Variants in UNC80 observed in about 807,000 individuals in gnomAD.
UNC80 encodes protein unc-80 homolog.
UNC80 carries 164 observed loss-of-function variants against 384.6 expected under a neutral mutation model. That is an observed-to-expected ratio of 0.43 (90% CI 0.38 to 0.49). The LOEUF is 0.49. Ranked by LOEUF, UNC80 falls within the 20% of genes least tolerant of loss-of-function variation. The pLI is 0.00. For synonymous variants in UNC80, 1,486 were observed against 1,527.8 expected (o/e 0.97, Z 0.64); for missense variants, 3,330 against 4,143.0 (o/e 0.80, Z 5.39).
chr2:209,781,046 A>G (rs913149728), intron 4 of UNC80, among the ~76,000 whole-genome samples: 7 of 152,130 alleles, frequency 4.6e-5, no homozygotes, highest in African/African-American at 1.7e-4. Flanking sequence ...TTTTCCCCTC[A>G]GGTTCCCACT....
At position 209,959,472 on chromosome 2, in the gene UNC80, C is replaced by T. The variant is rs1259075417; in HGVS notation, c.7587-17C>T. 1.2e-5 allele frequency: 19 copies of T among 1,550,044 alleles called. No homozygotes were observed. In the Admixed American group the frequency reaches 2.0e-4, roughly 16 times the overall value. Reference sequence around the variant, plus strand: ...ATACATTTTCAGACCCCTAGTTAATCTTTCACAATTTCCCAGGGAAAACCT... The same window carrying T: ...ATACATTTTCAGACCCCTAGTTAATTTTTCACAATTTCCCAGGGAAAACCT... On this transcript the variant is annotated splice_polypyrimidine_tract_variant and intron_variant, in intron 50 of 64. Coordinates refer to ENST00000673920, the MANE Select transcript of UNC80 (RefSeq NM_001371986.1).
intron 53 of UNC80, 179 bp downstream of exon 53, chr2:209,970,070 A>G: frequency 1.3e-6 from 1 of 759,532 alleles, no homozygotes; most frequent in Non-Finnish European, 2.1e-6. Context: ...GGGGAGATCC[A>G]GGAACCCATC....
At position 209,907,095 on chromosome 2, in the gene UNC80, C is replaced by T. The variant is rs1268946647; in HGVS notation, c.4782+2130C>T. On this transcript the variant is annotated intron_variant, in intron 29 of 64. Transcript: ENST00000673920. ...CAAGTGTTAAGCACAGGGCCTACTG[C>T]AGATGGACACTAAATGTTATTTTCC... is the stretch of plus-strand genomic sequence containing the variant. 2.6e-5 allele frequency among the ~76,000 whole-genome samples: 4 copies of T among 152,138 alleles called. No homozygotes were observed. In the East Asian group the frequency reaches 7.7e-4, roughly 29 times the overall value.
intron 5 of UNC80, among the ~76,000 whole-genome samples, chr2:209,789,286 G>T (rs894160250): frequency 2.0e-5 from 3 of 152,066 alleles, no homozygotes; most frequent in African/African-American, 7.2e-5. Context: ...TTTCAGTATT[G>T]CCAACTTTTT....
Position 209,819,408 on chromosome 2 carries a change from A to G in UNC80, c.1962+147A>G, listed in dbSNP as rs1442043599. ...GCCACCCACTGAAAAAAATTCACCA[A>G]TGTTTCAACCATCATAGGTGCACCT... On this transcript the variant is annotated intron_variant, in intron 12 of 64. Coordinates refer to ENST00000673920, the MANE Select transcript of UNC80 (RefSeq NM_001371986.1). 3 of 751,118 alleles carry G rather than the reference A, an allele frequency of 4.0e-6. No homozygotes were observed. In the East Asian group the frequency reaches 1.1e-4, roughly 26 times the overall value. The allele number at this position is 751,118 out of a possible 1,614,324, so 46.5% of individuals were successfully genotyped here. A position where few individuals can be genotyped will look rare whatever the true frequency, so the allele number is the denominator to read the frequency against.
At chr2:209,793,668 GAAAACAA>G (rs985596237) in intron 6 of UNC80, 45 bp from the exon 7 acceptor site, 108 of 1,601,898 alleles carry the variant, frequency 6.7e-5, no homozygotes, top group Admixed American at 1.9e-4. Flanking sequence ...AGCTACAGGG[GAAAACAA>G]AAAACAAAAA....
In UNC80 at chr2:209,850,634, A is replaced by G. The variant is rs1400871183; in HGVS notation, c.3627+1011A>G. On this transcript the variant is annotated intron_variant, in intron 22 of 64. Transcript: ENST00000673920. ...GGCTGAAATATTAATACCACTTATA[A>G]TCACCCAAAATGATTGCTTTCCGTT... Among the ~76,000 whole-genome samples the G allele has an allele frequency of 2.6e-5, 4 of 152,294 alleles. No individual in the cohort carries two copies. The South Asian group carries it at 6.2e-4, about 24-fold the overall frequency.
intron 7 of UNC80, among the ~76,000 whole-genome samples, chr2:209,810,827 C>T (rs1426625804): frequency 6.6e-6 from 1 of 152,144 alleles, no homozygotes; most frequent in African/African-American, 2.4e-5. Context: ...GTTTCACAGG[C>T]TCTTATAATA....
chr2:209,911,595 T>C (rs2124940213), intron 29 of UNC80, among the ~76,000 whole-genome samples: 1 of 152,348 alleles, frequency 6.6e-6, no homozygotes, highest in East Asian at 1.9e-4. Context: ...CAAAATATCT[T>C]TATCCATAAC....
intron 49 of UNC80, 48 bp downstream of exon 49, chr2:209,957,784 C>A: frequency 6.6e-7 from 1 of 1,516,126 alleles, no homozygotes; most frequent in Non-Finnish European, 9.0e-7. Context: ...TTTCATACAA[C>A]CCGAATGTCA....
chr2:209,937,016 G>C (rs1201956195), intron 41 of UNC80, 83 bp downstream of exon 41: 5 of 947,052 alleles, frequency 5.3e-6, no homozygotes, highest in Non-Finnish European at 8.3e-6. Flanking sequence ...AGTCAGGGAG[G>C]CATCGCTGTT....
At chr2:209,983,184 G>A (rs2093201167) in intron 60 of UNC80, among the ~76,000 whole-genome samples, 1 of 152,172 alleles carries the variant, frequency 6.6e-6, no homozygotes, top group East Asian at 1.9e-4. Flanking sequence ...GGCATATTCT[G>A]ATGTTCACAT....
rs139414215 is a variant in UNC80, at chr2:209,856,571, G to A, written c.3627+6948G>A. Among the ~76,000 whole-genome samples the A allele has an allele frequency of 2.2e-3, 335 of 151,936 alleles. 2 individuals carry two copies. Among genetic ancestry groups the A allele is most frequent in the African/African-American group, 7.8e-3 (325 of 41,478 alleles). Reference sequence around the variant, plus strand: ...TTAACTTTCACAATTAAGTCTTTATGTTTTATGTGAATAGTATAGGATAGG... The same window carrying A: ...TTAACTTTCACAATTAAGTCTTTATATTTTATGTGAATAGTATAGGATAGG... On this transcript the variant is annotated intron_variant, in intron 22 of 64. Transcript: ENST00000673920.
rs944412208 is a variant in UNC80 at position 209,996,707 on chromosome 2, G to T, written c.*1112G>T. 1.3e-5 allele frequency: 2 copies of T among 152,166 alleles called. No homozygotes were observed. The highest frequency in any genetic ancestry group is 2.4e-5 in the African/African-American group (1 of 41,432). 9.4% of individuals were successfully genotyped at this position (152,166 alleles called of 1,614,324 possible). A position where few individuals can be genotyped will look rare whatever the true frequency, so the allele number is the denominator to read the frequency against. ...GAAGTTCAATTACTTCAAGAAAAGT[G>T]TAACACTTAGAAGGCTTGTGAGGCC... On this transcript the variant is annotated 3_prime_UTR_variant, in exon 65 of 65. Coordinates refer to ENST00000673920, the MANE Select transcript of UNC80 (RefSeq NM_001371986.1).
intron 51 of UNC80, among the ~76,000 whole-genome samples, chr2:209,966,292 T>A (rs116492221): frequency 0.04 from 6,142 of 152,258 alleles, 406 homozygotes; most frequent in African/African-American, 0.14. Flanking sequence ...CTTAGGAGTA[T>A]TTTTTAGAAT....
intron 28 of UNC80, among the ~76,000 whole-genome samples, chr2:209,902,051 T>A (rs1211103126): frequency 6.6e-6 from 1 of 152,086 alleles, no homozygotes; most frequent in Non-Finnish European, 1.5e-5. Context: ...CCATTCTAGA[T>A]GTCATTAAGA....
At chr2:209,984,026 TCTC>T (rs1553624888) in intron 60 of UNC80, among the ~76,000 whole-genome samples, 17 of 152,154 alleles carry the variant, frequency 1.1e-4, no homozygotes, top group Non-Finnish European at 2.1e-4. Context: ...ATGGTTTAGT[TCTC>T]TCCAATTTAA....
rs1353830100 is a variant in UNC80, at chr2:209,959,577, C to T, written c.7675C>T (p.Arg2559Trp). Reference protein sequence around the residue: ...RIAREEFRRPRESLLNICTEF... With the variant: ...RIAREEFRRPWESLLNICTEF... ...TGCTCGGGAAGAGTTCAGAAGACCCCGGGAGTCCTTACTGAATATTTGCAC... is the reference window on the plus strand; with the variant it reads ...TGCTCGGGAAGAGTTCAGAAGACCCTGGGAGTCCTTACTGAATATTTGCAC... The change falls in exon 51 of 65, where the codon CGG becomes TGG. Residue 2559 changes from arginine (R) to tryptophan (W), a missense_variant. Transcript: ENST00000673920. The T allele has an allele frequency of 2.6e-6, 4 of 1,551,540 alleles. No homozygotes were observed. Among genetic ancestry groups the T allele is most frequent in the Non-Finnish European group, 2.6e-6 (3 of 1,146,990 alleles).
At position 209,817,879 on chromosome 2, in the gene UNC80, C is replaced by T. The variant is rs182186415; in HGVS notation, c.1620C>T (p.Ser540=). Residue 540 remains serine (S), a synonymous_variant, in exon 11 of 65, where the codon TCC becomes TCT. Transcript: ENST00000673920. ...TGGAGAGTCTGAGCGCCAGGCATTC[C>T]CACTCCCATCACACCCTGGTAAGCG... ...TEMESLSARH[S]HSHHTLVSDL... 2.6e-6 allele frequency: 4 copies of T among 1,551,600 alleles called. No homozygotes were observed. The highest frequency in any genetic ancestry group is 3.5e-6 in the Non-Finnish European group (4 of 1,146,988).
Sources: allele counts gnomAD v4.1 joint callset (sites outside exome capture counted in the v4.1 genomes callset), GRCh38; gene constraint gnomAD v4.1.1; transcripts MANE v1.5; gene names NCBI Gene and HGNC (gene_info 2026-07-23, HGNC 2026-07-21).